SLC39A13: variants seen among roughly 807,000 people sequenced by gnomAD.
The protein encoded by SLC39A13 is zinc transporter ZIP13.
A neutral mutation model predicts 38.7 loss-of-function variants in SLC39A13; 18 were observed. That is an observed-to-expected ratio of 0.47 (90% confidence interval 0.32 to 0.69). SLC39A13 has a LOEUF of 0.69. Ranked by LOEUF, SLC39A13 falls within the 30% of genes least tolerant of loss-of-function variation. The pLI, the probability that SLC39A13 is intolerant of heterozygous loss-of-function variation, is 0.03. For synonymous variants in SLC39A13, 212 were observed against 219.1 expected (o/e 0.97, Z 0.29); for missense variants, 395 against 490.7 (o/e 0.80, Z 1.84).
rs1595888234 is a variant in SLC39A13 at position 47,415,767 on chromosome 11, A to C, written c.*404A>C. On this transcript the variant is annotated 3_prime_UTR_variant, in exon 10 of 10. Transcript: ENST00000362021. ...GGTGCAGGGAACTCCAGAGCTGCCC[A>C]CCTCCCACTGCCCCCTCAGCACACA... 4 of 319,964 alleles carry C rather than the reference A, an allele frequency of 1.3e-5. No homozygotes were observed. Among genetic ancestry groups the C allele is most frequent in the Non-Finnish European group, 2.4e-5 (4 of 164,650 alleles). The allele number at this position is 319,964 out of a possible 1,614,324, so 19.8% of individuals were successfully genotyped here.
At chr11:47,414,963 C>T (rs1485448359) in intron 8 of SLC39A13, 54 bp downstream of exon 8, 1 of 1,606,350 alleles carries the variant, frequency 6.2e-7, no homozygotes, top group Non-Finnish European at 8.5e-7. Flanking sequence ...GGGCACCAGC[C>T]AAAGGGTGTG....
chr11:47,414,727 G>A (rs1401206305), intron 7 of SLC39A13, 50 bp from the exon 8 acceptor site: 1 of 1,600,252 alleles, frequency 6.2e-7, no homozygotes, highest in Non-Finnish European at 8.5e-7. Flanking sequence ...GAGCACTCAG[G>A]GCATCAGGCC....
chr11:47,414,923 G>A lies in SLC39A13; in HGVS notation c.919+14G>A, dbSNP rs377290130. 6.4e-5 allele frequency: 103 copies of A among 1,609,150 alleles called. No homozygotes were observed. Among genetic ancestry groups the A allele is most frequent in the Non-Finnish European group, 7.2e-5 (85 of 1,178,650 alleles). On this transcript the variant is annotated intron_variant, in intron 8 of 9. Transcript: ENST00000362021. ...CCAAGGGAGTAGGTACGGGCGTGGC[G>A]GGTGGTTGTGGCGGGTGGCATCAGC... is the stretch of plus-strand genomic sequence containing the variant.
rs2095991973 is a variant in SLC39A13 at position 47,410,335 on chromosome 11, A to T, written c.241A>T (p.Ser81Cys). ...SLLGSLMVGL[S>C]GVFPLLVIPL... ...CCTGGGTTCCCTCATGGTGGGGCTC[A>T]GTGGGGTCTTCCCGTTGCTTGTCAT... The change falls in exon 2 of 10, where the codon AGT (serine) becomes TGT (cysteine). Residue 81 changes from serine to cysteine, a missense_variant. Coordinates refer to ENST00000362021, the MANE Select transcript of SLC39A13 (RefSeq NM_001128225.3). 1 of 1,613,974 alleles carries T rather than the reference A, an allele frequency of 6.2e-7. No homozygotes were observed. Among genetic ancestry groups the T allele is most frequent in the Admixed American group, 1.7e-5 (1 of 60,002 alleles).
chr11:47,411,796 G>A, intron 2 of SLC39A13, 130 bp from the exon 3 acceptor site: 1 of 827,878 alleles, frequency 1.2e-6, no homozygotes, highest in Non-Finnish European at 2.0e-6. Flanking sequence ...TGAGGTGGGG[G>A]ACCCAGGAAG....
Position 47,415,313 on chromosome 11 carries a change from C to T in SLC39A13, c.1066C>T (p.Leu356Phe), listed in dbSNP as rs1322652342. 1.2e-6 allele frequency: 2 copies of T among 1,614,090 alleles called. No individual in the cohort carries two copies. Among genetic ancestry groups the T allele is most frequent in the Non-Finnish European group, 1.7e-6 (2 of 1,180,012 alleles). ...PWRSLQQLLL[L>F]CAGIVVMVLF... ...GCGCTCCCTGCAGCAGCTGCTTCTG[C>T]TCTGTGCGGGCATCGTGGTAATGGT... is the stretch of plus-strand genomic sequence containing the variant. Residue 356 changes from leucine (L) to phenylalanine (F), a missense_variant, in exon 10 of 10, where the codon CTC (leucine) becomes TTC (phenylalanine). By Grantham distance (22) the Leu-to-Phe change is conservative. Transcript: ENST00000362021.
rs1360698094 is a variant in SLC39A13, at chr11:47,415,137, C to T, written c.1018C>T (p.Leu340Phe). Residue 340 changes from leucine to phenylalanine, a missense_variant, in exon 9 of 10, where the codon CTC becomes TTC. Physicochemically the swap from Leu to Phe is conservative, Grantham distance 22. Coordinates refer to ENST00000362021, the MANE Select transcript of SLC39A13 (RefSeq NM_001128225.3). The stretch of plus-strand genomic sequence containing the variant: ...CGCCTTGGTGAACGTGCTCCCTGAC[C>T]TCTTGGAAGAAGAGGACCCGTGGTG... The part of the protein sequence containing the change: ...YIALVNVLPD[L>F]LEEEDPWRSL... 6.2e-7 allele frequency: 1 copy of T among 1,612,584 alleles called. No homozygotes were observed. The highest frequency in any genetic ancestry group is 1.3e-5 in the African/African-American group (1 of 74,992).
At chr11:47,410,453 CTCT>C in intron 2 of SLC39A13, 58 bp downstream of exon 2, 2 of 1,597,726 alleles carry the variant, frequency 1.3e-6, no homozygotes, top group Non-Finnish European at 8.6e-7. Flanking sequence ...CATGCTGCTG[CTCT>C]TCTTAGGAGA....
intron 4 of SLC39A13, among the ~76,000 whole-genome samples, 167 bp downstream of exon 4, chr11:47,412,634 C>T (rs569219202): frequency 3.8e-4 from 58 of 151,314 alleles, no homozygotes; most frequent in African/African-American, 1.1e-3. Flanking sequence ...ACACCATTAG[C>T]CCCTGATGTA....
In SLC39A13 at chr11:47,411,266, G is replaced by C. The variant is rs74686928; in HGVS notation, c.302-660G>C. 2.4e-4 allele frequency among the ~76,000 whole-genome samples: 37 copies of C among 152,298 alleles called. 3 individuals are homozygous for C. The East Asian group carries it at 7.1e-3, about 29-fold the overall frequency. ...TTCTGAGAGTGACAGCAGCTGAGAA[G>C]AGAAAAATTCCCACGTAATGAGCAC... On this transcript the variant is annotated intron_variant, in intron 2 of 9. Transcript: ENST00000362021.
At position 47,415,386 on chromosome 11, in the gene SLC39A13, T is replaced by C. The variant is rs780014205; in HGVS notation, c.*23T>C. 3.7e-6 allele frequency: 6 copies of C among 1,612,666 alleles called. No individual in the cohort carries two copies. The highest frequency in any genetic ancestry group is 5.1e-6 in the Non-Finnish European group (6 of 1,179,072). ...TAACTTTCCCTGATGCCGACGCCCCTGCCCCCTGCAGCAATAAGATGCTCG... is the reference window on the plus strand; with the variant it reads ...TAACTTTCCCTGATGCCGACGCCCCCGCCCCCTGCAGCAATAAGATGCTCG... On this transcript the variant is annotated 3_prime_UTR_variant, in exon 10 of 10. Coordinates refer to ENST00000362021, the MANE Select transcript of SLC39A13 (RefSeq NM_001128225.3).
intron 9 of SLC39A13, 36 bp downstream of exon 9, chr11:47,415,195 A>C: frequency 6.2e-7 from 1 of 1,612,130 alleles, no homozygotes; most frequent in Middle Eastern, 1.7e-4. Context: ...ACTGCCACTC[A>C]CAGGGCCCTT....
intron 7 of SLC39A13, 25 bp from the exon 8 acceptor site, chr11:47,414,752 G>C (rs1361142007): frequency 6.2e-7 from 1 of 1,604,258 alleles, no homozygotes; most frequent in Non-Finnish European, 8.5e-7. Flanking sequence ...TGGGGCGCAG[G>C]GTGAACCTCT....
chr11:47,411,854 G>A (rs1178439103), intron 2 of SLC39A13, 72 bp from the exon 3 acceptor site: 3 of 1,451,022 alleles, frequency 2.1e-6, no homozygotes, highest in African/African-American at 2.8e-5. Context: ...AGCCCAGTGA[G>A]TGGGGTGGGA....
At chr11:47,410,526 G>C in intron 2 of SLC39A13, 131 bp downstream of exon 2, 1 of 1,256,194 alleles carries the variant, frequency 8.0e-7, no homozygotes. Context: ...TCTCCCCTTG[G>C]TCCTGTAGGA....
At chr11:47,407,297 A>T (rs892472308), upstream of SLC39A13, 1 of 152,114 alleles carries the variant, frequency 6.6e-6, no homozygotes, top group African/African-American at 2.4e-5. Flanking sequence ...GTGGGGTGAG[A>T]TGGACAGAAA....
intron 2 of SLC39A13, among the ~76,000 whole-genome samples, chr11:47,411,534 GAT>G (rs1421025606): frequency 6.6e-6 from 1 of 152,048 alleles, no homozygotes. Flanking sequence ...GAACCTGGGA[GAT>G]GGAGGTTGCA....
intron 4 of SLC39A13, 141 bp downstream of exon 4, chr11:47,412,608 A>G: frequency 6.8e-7 from 1 of 1,468,242 alleles, no homozygotes; most frequent in Non-Finnish European, 9.2e-7. Flanking sequence ...AGGTTGGGCC[A>G]CCTTCTTTGG....
Position 47,415,714 on chromosome 11 carries a change from C to T in SLC39A13, c.*351C>T, listed in dbSNP as rs868687264. ...CAGAGGCCTTGCCCTGCTGGGACCC[C>T]GGGAGTGAGAGCAGCCCAAGGATCC... On this transcript the variant is annotated 3_prime_UTR_variant, in exon 10 of 10. Transcript: ENST00000362021. 2.2e-5 allele frequency: 8 copies of T among 357,434 alleles called. No homozygotes were observed. The highest frequency in any genetic ancestry group is 6.5e-5 in the East Asian group (1 of 15,422). 22.1% of individuals were successfully genotyped at this position (357,434 alleles called of 1,614,324 possible).
Sources: allele counts gnomAD v4.1 joint callset (sites outside exome capture counted in the v4.1 genomes callset), GRCh38; gene constraint gnomAD v4.1.1; transcripts MANE v1.5; gene names NCBI Gene and HGNC (gene_info 2026-07-23, HGNC 2026-07-21).